The following KCNK10 variants were observed in gnomAD, a reference collection of about 807,000 sequenced individuals.
The protein encoded by KCNK10 is potassium two pore domain channel subfamily K member 10, also known as potassium channel subfamily K member 10.
In KCNK10, 25 loss-of-function variants were observed where a neutral mutation model predicts 47.7. That is an observed-to-expected ratio of 0.52 (90% CI 0.38 to 0.73). The LOEUF (loss-of-function observed/expected upper bound fraction) is 0.73, where lower values mean the gene tolerates loss of function less well. Ranked by LOEUF, KCNK10 falls within the 30% of genes least tolerant of loss-of-function variation. The probability of loss-of-function intolerance (pLI) is 0.00; values close to 1 mark genes in which losing one functional copy is unlikely to be tolerated. For synonymous variants in KCNK10, 303 were observed against 285.6 expected, an observed-to-expected ratio of 1.06 and a Z score of -0.61; for missense variants, 563 against 714.5, an observed-to-expected ratio of 0.79 and a Z score of 2.42.
chr14:88,224,236 C>T (rs894605624), intron 4 of KCNK10, among the ~76,000 whole-genome samples: 2 of 152,116 alleles, frequency 1.3e-5, no homozygotes, highest in Non-Finnish European at 2.9e-5. Flanking sequence ...TGTTACACAG[C>T]AATAGAAAAA....
At chr14:88,280,430 G>A (rs1887625158) in intron 1 of KCNK10, among the ~76,000 whole-genome samples, 3 of 152,024 alleles carry the variant, frequency 2.0e-5, no homozygotes, top group Non-Finnish European at 4.4e-5. Context: ...CTCTCCCTGT[G>A]TAATCCCTAC....
At chr14:88,199,436 A>C (rs1390792394) in intron 4 of KCNK10, among the ~76,000 whole-genome samples, 1 of 152,326 alleles carries the variant, frequency 6.6e-6, no homozygotes, top group Non-Finnish European at 1.5e-5. Flanking sequence ...TGCTAAAAGA[A>C]GAGTGGATTG....
chr14:88,274,549 TAA>T lies in KCNK10; in HGVS notation c.53-11000_53-10999del, dbSNP rs3994047. Among the ~76,000 whole-genome samples, 22 of 40,500 alleles carry T rather than the reference TAA, an allele frequency of 5.4e-4. 2 individuals carry two copies. In the East Asian group the frequency reaches 0.019, roughly 34 times the overall value. The allele number at this position is 40,500 out of a possible 152,430, so 26.6% of individuals were successfully genotyped here. The stretch of plus-strand genomic sequence containing the variant: ...CTGGGTGACAGAGTGAGACTCTATC[TAA>T]AAAAAAAAAAAAAAAGATCTTATGG... On this transcript the variant is annotated intron_variant, in intron 1 of 6. Coordinates refer to ENST00000319231, the MANE Select transcript of KCNK10 (RefSeq NM_138317.3).
chr14:88,305,870 T>G lies in KCNK10; in HGVS notation c.52+16877A>C, dbSNP rs1249072465. On this transcript the variant is annotated intron_variant, in intron 1 of 6. Coordinates refer to ENST00000319231, the MANE Select transcript of KCNK10 (RefSeq NM_138317.3). The stretch of plus-strand genomic sequence containing the variant: ...TCCTACAGAGGAAACTGGGACCCCA[T>G]GTAAACCATATTCCTGAGTTACCCT... Among the ~76,000 whole-genome samples, 5 of 152,190 alleles carry G rather than the reference T, an allele frequency of 3.3e-5. No individual in the cohort carries two copies. In the East Asian group the frequency reaches 5.8e-4, roughly 18 times the overall value.
At chr14:88,283,124 T>C (rs1317474258) in intron 1 of KCNK10, among the ~76,000 whole-genome samples, 3 of 152,198 alleles carry the variant, frequency 2.0e-5, no homozygotes, top group African/African-American at 4.8e-5. Flanking sequence ...AGAGTGATTA[T>C]CACACTTTAA....
rs1442292684 is a variant in KCNK10, at chr14:88,235,116, AAAT to A, written c.520+5584_520+5586del. ...TTCAGAAAACAGGGAGGTAGGACAGAAATAATACAGAAGGACCCTATTTGCAGA... is the reference window on the plus strand; with the variant it reads ...TTCAGAAAACAGGGAGGTAGGACAGAAATACAGAAGGACCCTATTTGCAGA... On this transcript the variant is annotated intron_variant, in intron 3 of 6. Coordinates refer to ENST00000319231, the MANE Select transcript of KCNK10 (RefSeq NM_138317.3). 8.8e-6 allele frequency: 4 copies of A among 456,654 alleles called. No individual in the cohort carries two copies. In the Admixed American group the frequency reaches 9.4e-5, roughly 11 times the overall value. 28.3% of individuals were successfully genotyped at this position (456,654 alleles called of 1,614,324 possible). A position where few individuals can be genotyped will look rare whatever the true frequency, so the allele number is the denominator to read the frequency against.
chr14:88,245,697 G>T (rs1183187247), intron 2 of KCNK10, among the ~76,000 whole-genome samples: 2 of 152,188 alleles, frequency 1.3e-5, no homozygotes, highest in Non-Finnish European at 2.9e-5. Context: ...GACAAACAAA[G>T]GTGCAGCAGT....
At chr14:88,220,963 T>C (rs1694814567) in intron 4 of KCNK10, among the ~76,000 whole-genome samples, 1 of 151,182 alleles carries the variant, frequency 6.6e-6, no homozygotes, top group Non-Finnish European at 1.5e-5. Context: ...ATATACTAGA[T>C]AAAAAATGCA....
At chr14:88,194,359 A>C (rs906896532) in intron 4 of KCNK10, among the ~76,000 whole-genome samples, 1 of 152,218 alleles carries the variant, frequency 6.6e-6, no homozygotes, top group East Asian at 1.9e-4. Flanking sequence ...TGTTTGCAGA[A>C]ATGTATGAAA....
In KCNK10 at chr14:88,323,148, T is replaced by C. The variant is rs928360552; in HGVS notation, c.-350A>G. 7.3e-5 allele frequency: 83 copies of C among 1,138,072 alleles called. No individual in the cohort carries two copies. Among genetic ancestry groups the C allele is most frequent in the Non-Finnish European group, 8.7e-5 (80 of 920,208 alleles). The allele number at this position is 1,138,072 out of a possible 1,614,324, so 70.5% of individuals were successfully genotyped here. A position where few individuals can be genotyped will look rare whatever the true frequency, so the allele number is the denominator to read the frequency against. ...AAAGCGGTGCCGGCAGGTTAGGGGC[T>C]GCGCAGCCTGAAGGCTGGGGCTACG... is the stretch of plus-strand genomic sequence containing the variant. On this transcript the variant is annotated 5_prime_UTR_variant, in exon 1 of 7. Coordinates refer to ENST00000319231, the MANE Select transcript of KCNK10 (RefSeq NM_138317.3).
Position 88,240,785 on chromosome 14 carries a change from TG to T in KCNK10, c.437del (p.Pro146GlnfsTer2). The T allele has an allele frequency of 6.2e-7, 1 of 1,613,486 alleles. No homozygotes were observed. Among genetic ancestry groups the T allele is most frequent in the Non-Finnish European group, 8.5e-7 (1 of 1,179,586 alleles). On this transcript the variant is annotated frameshift_variant, in exon 3 of 7. Transcript: ENST00000319231. LOFTEE classifies it high-confidence loss of function. ...ALDADNAGVS[P>X]IGNSSNNSSH... ...TGCTGTTGTTGGAAGAGTTTCCTAT[TG>T]GACTGACTCCCGCATTGTCAGCATC... is the stretch of plus-strand genomic sequence containing the variant.
At chr14:88,241,581 C>T (rs956338389) in intron 2 of KCNK10, among the ~76,000 whole-genome samples, 6 of 152,060 alleles carry the variant, frequency 3.9e-5, no homozygotes, top group East Asian at 1.9e-4. Context: ...ATTCCATACA[C>T]CTTAAAATTT....
intron 2 of KCNK10, among the ~76,000 whole-genome samples, chr14:88,259,319 G>A (rs1887044457): frequency 1.3e-5 from 2 of 152,310 alleles, no homozygotes; most frequent in African/African-American, 4.8e-5. Context: ...TATATTGTGA[G>A]AAAGACTGTA....
At chr14:88,261,593 A>G (rs974292487) in intron 2 of KCNK10, among the ~76,000 whole-genome samples, 2 of 152,182 alleles carry the variant, frequency 1.3e-5, no homozygotes, top group African/African-American at 4.8e-5. Context: ...TCTCTACAAA[A>G]AAATGCAAAA....
chr14:88,258,112 T>C (rs997828626), intron 2 of KCNK10, among the ~76,000 whole-genome samples: 1 of 151,910 alleles, frequency 6.6e-6, no homozygotes, highest in Non-Finnish European at 1.5e-5. Flanking sequence ...CCCTGAATAA[T>C]ATAAAGAACA....
intron 4 of KCNK10, among the ~76,000 whole-genome samples, chr14:88,201,659 C>T (rs1463947682): frequency 1.4e-5 from 2 of 147,456 alleles, no homozygotes; most frequent in Non-Finnish European, 1.5e-5. Flanking sequence ...GACTACGTCT[C>T]AAAAAAGAAA....
intron 1 of KCNK10, among the ~76,000 whole-genome samples, chr14:88,296,938 G>C (rs1358374411): frequency 6.6e-6 from 1 of 152,144 alleles, no homozygotes; most frequent in Non-Finnish European, 1.5e-5. Flanking sequence ...TGTGCCTCTT[G>C]AAAATTTAAA....
At chr14:88,289,325 A>G (rs1037248562) in intron 1 of KCNK10, among the ~76,000 whole-genome samples, 1 of 152,182 alleles carries the variant, frequency 6.6e-6, no homozygotes, top group Non-Finnish European at 1.5e-5. Flanking sequence ...TCTTTTATTC[A>G]CACAGTTCCT....
chr14:88,281,205 C>T (rs1887642641), intron 1 of KCNK10, among the ~76,000 whole-genome samples: 1 of 152,182 alleles, frequency 6.6e-6, no homozygotes, highest in African/African-American at 2.4e-5. Context: ...CCCATTCTTC[C>T]ACGGCTGGCT....
Sources: gnomAD v4.1 joint callset for allele counts (sites outside exome capture counted in the v4.1 genomes callset) on GRCh38, gnomAD v4.1.1 for gene constraint, MANE v1.5 for transcripts, NCBI Gene and HGNC (gene_info 2026-07-23, HGNC 2026-07-21) for gene names.